GUCY1A2: variants seen among roughly 807,000 people sequenced by gnomAD.
GUCY1A2 encodes guanylate cyclase soluble subunit alpha-2.
In GUCY1A2, 27 loss-of-function variants were observed where a neutral mutation model predicts 63.5. That is an observed-to-expected ratio of 0.43 (90% confidence interval 0.31 to 0.59). The LOEUF is 0.59. Ranked by LOEUF, GUCY1A2 falls within the 20% of genes least tolerant of loss-of-function variation. The pLI, the probability that GUCY1A2 is intolerant of heterozygous loss-of-function variation, is 0.11. For missense variants in GUCY1A2, 768 were observed against 913.3 expected, an observed-to-expected ratio of 0.84 and a Z score of 2.05; for synonymous variants, 364 against 343.5, an observed-to-expected ratio of 1.06 and a Z score of -0.66.
chr11:106,922,840 T>C (rs1011080817), intron 4 of GUCY1A2, among the ~76,000 whole-genome samples: 1 of 151,558 alleles, frequency 6.6e-6, no homozygotes, highest in African/African-American at 2.4e-5. Context: ...GTGCTTGCAA[T>C]GGAATAAACG....
intron 3 of GUCY1A2, among the ~76,000 whole-genome samples, chr11:106,950,773 T>A (rs564402757): frequency 2.9e-4 from 44 of 152,270 alleles, no homozygotes; most frequent in South Asian, 2.5e-3. Flanking sequence ...GTCACTTTTT[T>A]AAATTTCTTC....
At chr11:106,752,142 T>C (rs1347042749) in intron 6 of GUCY1A2, among the ~76,000 whole-genome samples, 1 of 152,100 alleles carries the variant, frequency 6.6e-6, no homozygotes, top group Non-Finnish European at 1.5e-5. Context: ...AGATAGTGAG[T>C]GTTGGAGATG....
intron 6 of GUCY1A2, among the ~76,000 whole-genome samples, chr11:106,755,220 T>C (rs1863952307): frequency 1.3e-5 from 2 of 152,130 alleles, no homozygotes; most frequent in Non-Finnish European, 2.9e-5. Flanking sequence ...TTTTATTGTG[T>C]CTATTTGATT....
chr11:106,831,197 G>A (rs1006468748), intron 4 of GUCY1A2, among the ~76,000 whole-genome samples: 3 of 152,134 alleles, frequency 2.0e-5, no homozygotes, highest in African/African-American at 7.2e-5. Flanking sequence ...CATAAAAAGT[G>A]CCACATAAAT....
Position 106,681,895 on chromosome 11 carries a change from G to A in GUCY1A2, c.*5654C>T. On this transcript the variant is annotated 3_prime_UTR_variant, in exon 8 of 8. Transcript: ENST00000526355. ...TATGAAAAGTACATAGTGAGACTAA[G>A]TATTAAGTTGATGTCTTTTCATGAC... 1 of 213,692 alleles carries A rather than the reference G, an allele frequency of 4.7e-6. No individual in the cohort carries two copies. The highest frequency in any genetic ancestry group is 7.0e-5 in the East Asian group (1 of 14,358). The allele number at this position is 213,692 out of a possible 1,614,324, so 13.2% of individuals were successfully genotyped here. A position where few individuals can be genotyped will look rare whatever the true frequency, so the allele number is the denominator to read the frequency against.
intron 7 of GUCY1A2, among the ~76,000 whole-genome samples, chr11:106,696,428 A>G (rs540166864): frequency 1.6e-4 from 24 of 152,352 alleles, no homozygotes; most frequent in African/African-American, 5.5e-4. Context: ...AAACAAGTTC[A>G]TCATTGTGCT....
chr11:106,760,386 A>C (rs913893170), intron 6 of GUCY1A2, among the ~76,000 whole-genome samples: 1 of 152,182 alleles, frequency 6.6e-6, no homozygotes, highest in Non-Finnish European at 1.5e-5. Flanking sequence ...AGCTATGATG[A>C]GTTTGGAGGC....
intron 5 of GUCY1A2, among the ~76,000 whole-genome samples, chr11:106,787,509 A>G (rs1591276952): frequency 3.1e-5 from 1 of 32,000 alleles, no homozygotes; most frequent in East Asian, 5.7e-4. Flanking sequence ...AGCAGCAAGA[A>G]AAAGGAAAGA....
At position 106,801,990 on chromosome 11, in the gene GUCY1A2, C is replaced by T. The variant is rs1375382786; in HGVS notation, c.1692+8003G>A. Among the ~76,000 whole-genome samples the T allele has an allele frequency of 2.0e-5, 3 of 152,070 alleles. No individual in the cohort carries two copies. The East Asian group carries it at 5.8e-4, about 29-fold the overall frequency. ...CTGAGAATACAAGTAAATGTGAATT[C>T]TGTTAGTTTCATTTTGCTTTCAGAA... On this transcript the variant is annotated intron_variant, in intron 5 of 7. Coordinates refer to ENST00000526355, the MANE Select transcript of GUCY1A2 (RefSeq NM_000855.3).
chr11:106,758,474 T>C (rs957421407), intron 6 of GUCY1A2, among the ~76,000 whole-genome samples: 1 of 152,184 alleles, frequency 6.6e-6, no homozygotes, highest in Non-Finnish European at 1.5e-5. Flanking sequence ...CGCCACACAC[T>C]GCCCTGCTTC....
chr11:106,743,573 C>G (rs569329542), intron 6 of GUCY1A2, among the ~76,000 whole-genome samples: 2 of 152,188 alleles, frequency 1.3e-5, no homozygotes, highest in South Asian at 4.1e-4. Context: ...GTATTAATAA[C>G]GAACTCGTGG....
At chr11:106,860,611 G>C (rs560889446) in intron 4 of GUCY1A2, among the ~76,000 whole-genome samples, 8 of 152,086 alleles carry the variant, frequency 5.3e-5, no homozygotes, top group African/African-American at 1.9e-4. Context: ...AAGAGAGTAA[G>C]TGAGAGCATA....
chr11:106,809,595 A>G (rs888077673), intron 5 of GUCY1A2, among the ~76,000 whole-genome samples: 5 of 152,162 alleles, frequency 3.3e-5, no homozygotes, highest in Admixed American at 6.5e-5. Flanking sequence ...AATACAATGC[A>G]TATTTTAATA....
rs1862346628 is a variant in GUCY1A2, at chr11:106,676,391, T to C, written c.*11158A>G. ...TGATCCAAGCTGTACTTTTTTTTTT[T>C]TTGTATTTAATAAAATGGCAATTTG... On this transcript the variant is annotated 3_prime_UTR_variant, in exon 8 of 8. Transcript: ENST00000526355. 1 of 186,940 alleles carries C rather than the reference T, an allele frequency of 5.3e-6. No homozygotes were observed. The allele number at this position is 186,940 out of a possible 1,614,324, so 11.6% of individuals were successfully genotyped here. A position where few individuals can be genotyped will look rare whatever the true frequency, so the allele number is the denominator to read the frequency against.
At chr11:106,927,384 C>T (rs1478772334) in intron 4 of GUCY1A2, among the ~76,000 whole-genome samples, 1 of 151,348 alleles carries the variant, frequency 6.6e-6, no homozygotes, top group Non-Finnish European at 1.5e-5. Flanking sequence ...AAAAAAAAAT[C>T]AAGATTATAG....
intron 4 of GUCY1A2, among the ~76,000 whole-genome samples, chr11:106,928,063 A>AT (rs1264709888): frequency 5.6e-5 from 7 of 125,852 alleles, no homozygotes; most frequent in South Asian, 2.6e-4. Context: ...TGGCAATTCT[A>AT]TTGTTAGATC....
chr11:106,765,467 C>G (rs1485407842), intron 6 of GUCY1A2, among the ~76,000 whole-genome samples: 2 of 152,062 alleles, frequency 1.3e-5, no homozygotes, highest in East Asian at 1.9e-4. Flanking sequence ...CAGGGATGTA[C>G]CTGGTTTGCT....
At chr11:106,893,098 G>C (rs769331036) in intron 4 of GUCY1A2, among the ~76,000 whole-genome samples, 2 of 152,106 alleles carry the variant, frequency 1.3e-5, no homozygotes, top group Non-Finnish European at 2.9e-5. Context: ...CAATATTTAA[G>C]GGGAGCTTTA....
At chr11:106,813,101 A>G (rs1286798184) in intron 4 of GUCY1A2, among the ~76,000 whole-genome samples, 1 of 152,044 alleles carries the variant, frequency 6.6e-6, no homozygotes, top group Admixed American at 6.6e-5. Flanking sequence ...ACATATTTGT[A>G]TATAAAAGAA....
Sources: allele counts gnomAD v4.1 joint callset (sites outside exome capture counted in the v4.1 genomes callset), GRCh38; gene constraint gnomAD v4.1.1; transcripts MANE v1.5; gene names NCBI Gene and HGNC (gene_info 2026-07-23, HGNC 2026-07-21).